The following YME1L1 variants were observed in gnomAD, a reference collection of about 807,000 sequenced individuals.
The protein encoded by YME1L1 is ATP-dependent zinc metalloprotease YME1L1.
YME1L1 carries 39 observed loss-of-function variants against 90.4 expected under a neutral mutation model. That is an observed-to-expected ratio of 0.43 (90% CI 0.33 to 0.56). The LOEUF (loss-of-function observed/expected upper bound fraction) is 0.56, where lower values mean the gene tolerates loss of function less well. Among genes scored for constraint, YME1L1 ranks in the 20% least tolerant of loss-of-function variants. YME1L1 has a pLI of 0.03. For synonymous variants in YME1L1, 284 were observed against 287.3 expected (o/e 0.99, Z 0.12); for missense variants, 617 against 868.4 (o/e 0.71, Z 3.64).
rs1164699588 is a variant in YME1L1, at chr10:27,154,273, G to A, written c.-63C>T. The stretch of plus-strand genomic sequence containing the variant: ...AACTGTGCCCCTCTGTCCACGGCCC[G>A]GCGGGGAGGCGCTGAGCCCTTCTTT... On this transcript the variant is annotated 5_prime_UTR_variant, in exon 1 of 19. Transcript: ENST00000376016. The A allele has an allele frequency of 1.3e-6, 2 of 1,549,636 alleles. No homozygotes were observed. The highest frequency in any genetic ancestry group is 1.2e-5 in the South Asian group (1 of 84,616).
intron 1 of YME1L1, among the ~76,000 whole-genome samples, chr10:27,151,599 C>T (rs933141017): frequency 2.6e-5 from 4 of 152,124 alleles, no homozygotes; most frequent in Admixed American, 1.3e-4. Flanking sequence ...TATGCATACC[C>T]GTGGGGGCGC....
Position 27,123,594 on chromosome 10 carries a change from T to C in YME1L1, c.1055A>G (p.Asp352Gly). 6.2e-7 allele frequency: 1 copy of C among 1,613,884 alleles called. No homozygotes were observed. The highest frequency in any genetic ancestry group is 8.5e-7 in the Non-Finnish European group (1 of 1,179,928). Residue 352 changes from aspartate (D) to glycine (G), a missense_variant, in exon 10 of 19, where the codon GAT becomes GGT. Around this residue, in one of 4 missense-constraint regions of YME1L1, gnomAD observed 93 missense variants for 184.8 expected, o/e 0.50. Coordinates refer to ENST00000376016, the MANE Select transcript of YME1L1 (RefSeq NM_014263.4). ...GGCTCCCACACCCACAAACATCTCATCAAATTCGGATCCAGAAGCATAATA... is the reference window on the plus strand; with the variant it reads ...GGCTCCCACACCCACAAACATCTCACCAAATTCGGATCCAGAAGCATAATA... ...PFYYASGSEF[D>G]EMFVGVGASR...
chr10:27,136,335 G>A lies in YME1L1; in HGVS notation c.481C>T (p.Leu161Phe). Residue 161 changes from leucine to phenylalanine, a missense_variant, in exon 5 of 19, where the codon CTC becomes TTC. By Grantham distance (22) the Leu-to-Phe change is conservative. Coordinates refer to ENST00000376016, the MANE Select transcript of YME1L1 (RefSeq NM_014263.4). Reference protein sequence around the residue: ...FKTLKSRTRRLQSTSERLAET... With the variant: ...FKTLKSRTRRFQSTSERLAET... ...GCTAATCTCTCGGAGGTAGACTGGA[G>A]ACGTCGTGTCCTTGATTTCAAAGTT... 1.2e-6 allele frequency: 2 copies of A among 1,613,882 alleles called. No homozygotes were observed. Among genetic ancestry groups the A allele is most frequent in the Non-Finnish European group, 1.7e-6 (2 of 1,179,974 alleles).
In YME1L1 at chr10:27,110,916, G is replaced by A. The variant is rs2056753159; in HGVS notation, c.*1061C>T. 6.6e-6 allele frequency: 1 copy of A among 152,026 alleles called. No individual in the cohort carries two copies. Among genetic ancestry groups the A allele is most frequent in the African/African-American group, 2.4e-5 (1 of 41,382 alleles). The allele number at this position is 152,026 out of a possible 1,614,324, so 9.4% of individuals were successfully genotyped here. ...AGAGTCTCACTCTGTCACCCAGGCT[G>A]GAGTGCAGTGGCTCCTGTGATCTTG... On this transcript the variant is annotated 3_prime_UTR_variant, in exon 19 of 19. Coordinates refer to ENST00000376016, the MANE Select transcript of YME1L1 (RefSeq NM_014263.4).
intron 7 of YME1L1, among the ~76,000 whole-genome samples, chr10:27,132,841 AT>A (rs943120938): frequency 2.0e-5 from 3 of 152,166 alleles, no homozygotes; most frequent in Admixed American, 1.3e-4. Flanking sequence ...ATGAAATAAA[AT>A]AAAAAAATAA....
intron 1 of YME1L1, among the ~76,000 whole-genome samples, chr10:27,149,348 C>T (rs1032356245): frequency 3.9e-5 from 6 of 152,110 alleles, no homozygotes; most frequent in Admixed American, 2.0e-4. Context: ...TAGAGAACAA[C>T]TCTCATCGAA....
intron 17 of YME1L1, among the ~76,000 whole-genome samples, chr10:27,114,951 C>A (rs2056796681): frequency 6.6e-6 from 1 of 152,158 alleles, no homozygotes; most frequent in Non-Finnish European, 1.5e-5. Context: ...CGCTTGAACC[C>A]AGGAGGCGGT....
At chr10:27,141,925 T>C (rs2135891026) in intron 4 of YME1L1, among the ~76,000 whole-genome samples, 1 of 152,352 alleles carries the variant, frequency 6.6e-6, no homozygotes, top group East Asian at 1.9e-4. Context: ...CACTAGTGCC[T>C]TGTATTCAAA....
intron 2 of YME1L1, chr10:27,147,329 A>T: frequency 8.0e-7 from 1 of 1,243,940 alleles, no homozygotes; most frequent in Non-Finnish European, 1.1e-6. Context: ...CCCTGTCTTT[A>T]CAAAAAATTT....
At chr10:27,148,796 T>C in intron 2 of YME1L1, 110 bp downstream of exon 2, 2 of 1,405,488 alleles carry the variant, frequency 1.4e-6, no homozygotes, top group Non-Finnish European at 1.9e-6. Context: ...TCAAAAATTA[T>C]ACTCAAATTT....
rs1564463382 is a variant in YME1L1, at chr10:27,134,979, C to A, written c.543G>T (p.Gly181=). Residue 181 remains glycine, a splice_region_variant and synonymous_variant, in exon 6 of 19, where the codon GGG becomes GGT. Coordinates refer to ENST00000376016, the MANE Select transcript of YME1L1 (RefSeq NM_014263.4). ...TQNIAPSFVK[G]FLLRDRGSDV... ...CTGATCCTCTGTCCCGCAAAAGAAA[C>A]CCCTGAATACACAAACAACACATCA... The A allele has an allele frequency of 1.9e-6, 3 of 1,612,074 alleles. No homozygotes were observed. Among genetic ancestry groups the A allele is most frequent in the Non-Finnish European group, 2.5e-6 (3 of 1,179,888 alleles).
chr10:27,131,358 A>AACAG (rs1564461775), intron 8 of YME1L1, among the ~76,000 whole-genome samples: 1 of 151,946 alleles, frequency 6.6e-6, no homozygotes, highest in African/African-American at 2.4e-5. Context: ...CCTAGCACTT[A>AACAG]ATACTATTAA....
At chr10:27,143,611 T>G (rs1019219286) in intron 3 of YME1L1, among the ~76,000 whole-genome samples, 1 of 147,818 alleles carries the variant, frequency 6.8e-6, no homozygotes, top group Admixed American at 6.9e-5. Flanking sequence ...GGCAGGAGAA[T>G]GGCGTGAACT....
At chr10:27,149,826 G>A (rs1344999426) in intron 1 of YME1L1, among the ~76,000 whole-genome samples, 3 of 147,806 alleles carry the variant, frequency 2.0e-5, no homozygotes, top group African/African-American at 7.4e-5. Flanking sequence ...TGTAATCCCA[G>A]CACTTTGGGA....
At position 27,111,935 on chromosome 10, in the gene YME1L1, T is replaced by C; in HGVS notation, c.*42A>G. On this transcript the variant is annotated 3_prime_UTR_variant, in exon 19 of 19. Transcript: ENST00000376016. The stretch of plus-strand genomic sequence containing the variant: ...GTAGACTACTGCAATGCTACTTGTA[T>C]TCTTGCAATAAAACCAGCAAGCATC... 1 of 1,610,360 alleles carries C rather than the reference T, an allele frequency of 6.2e-7. No homozygotes were observed. Among genetic ancestry groups the C allele is most frequent in the Non-Finnish European group, 8.5e-7 (1 of 1,177,086 alleles).
Position 27,110,525 on chromosome 10 carries a change from A to G in YME1L1, c.*1452T>C, listed in dbSNP as rs2056749035. 1 of 152,216 alleles carries G rather than the reference A, an allele frequency of 6.6e-6. No homozygotes were observed. The highest frequency in any genetic ancestry group is 1.5e-5 in the Non-Finnish European group (1 of 68,040). 9.4% of individuals were successfully genotyped at this position (152,216 alleles called of 1,614,324 possible). A position where few individuals can be genotyped will look rare whatever the true frequency, so the allele number is the denominator to read the frequency against. On this transcript the variant is annotated 3_prime_UTR_variant, in exon 19 of 19. Coordinates refer to ENST00000376016, the MANE Select transcript of YME1L1 (RefSeq NM_014263.4). ...ATAATCTGGTTGTAATACCAATACA[A>G]TGTGTTCTAAAATAATTTTTCTATT... is the stretch of plus-strand genomic sequence containing the variant.
chr10:27,111,014 G>C lies in YME1L1; in HGVS notation c.*963C>G, dbSNP rs1002151574. On this transcript the variant is annotated 3_prime_UTR_variant, in exon 19 of 19. Coordinates refer to ENST00000376016, the MANE Select transcript of YME1L1 (RefSeq NM_014263.4). Reference sequence around the variant, plus strand: ...AGCCTCTCAAGTAGCTGGGATTCCAGGCATGCACCCCACACCTGGCTATTT... The same window carrying C: ...AGCCTCTCAAGTAGCTGGGATTCCACGCATGCACCCCACACCTGGCTATTT... 19 of 151,522 alleles carry C rather than the reference G, an allele frequency of 1.3e-4. No individual in the cohort carries two copies. Among genetic ancestry groups the C allele is most frequent in the African/African-American group, 4.4e-4 (18 of 41,186 alleles). The allele number at this position is 151,522 out of a possible 1,614,324, so 9.4% of individuals were successfully genotyped here. A position where few individuals can be genotyped will look rare whatever the true frequency, so the allele number is the denominator to read the frequency against.
Position 27,154,351 on chromosome 10 carries a change from G to A in YME1L1, c.-141C>T. On this transcript the variant is annotated 5_prime_UTR_variant, in exon 1 of 19. Coordinates refer to ENST00000376016, the MANE Select transcript of YME1L1 (RefSeq NM_014263.4). ...TCACTCCTCCCAGAAACGGAAAATG[G>A]CCTCCCCTTCCTACAGCTACTGCAA... 2.0e-6 allele frequency: 2 copies of A among 991,074 alleles called. No homozygotes were observed. Among genetic ancestry groups the A allele is most frequent in the Non-Finnish European group, 1.5e-6 (1 of 674,698 alleles). 61.4% of individuals were successfully genotyped at this position (991,074 alleles called of 1,614,324 possible).
chr10:27,132,712 G>A (rs991867699), intron 7 of YME1L1, among the ~76,000 whole-genome samples: 12 of 151,874 alleles, frequency 7.9e-5, no homozygotes, highest in African/African-American at 2.9e-4. Flanking sequence ...CCAGCTACTC[G>A]GGAGGCTGAG....
Sources: allele counts gnomAD v4.1 joint callset (sites outside exome capture counted in the v4.1 genomes callset), GRCh38; gene constraint gnomAD v4.1.1; regional missense constraint gnomAD v4.1.1; transcripts MANE v1.5; gene names NCBI Gene and HGNC (gene_info 2026-07-23, HGNC 2026-07-21).